NCOA5: variants seen among roughly 807,000 people sequenced by gnomAD.
The protein encoded by NCOA5 is nuclear receptor coactivator 5.
Under a neutral mutation model 59.0 loss-of-function variants are expected in NCOA5, and 12 were observed. That is an observed-to-expected ratio of 0.20 (90% confidence interval 0.13 to 0.33). The LOEUF (loss-of-function observed/expected upper bound fraction) is 0.33, where lower values mean the gene tolerates loss of function less well. Among genes scored for constraint, NCOA5 ranks in the 10% least tolerant of loss-of-function variants. The pLI, the probability that NCOA5 is intolerant of heterozygous loss-of-function variation, is 1.00. For missense variants in NCOA5, 655 were observed against 766.6 expected (o/e 0.85, Z 1.72); for synonymous variants, 270 against 275.5 (o/e 0.98, Z 0.20).
intron 1 of NCOA5, among the ~76,000 whole-genome samples, chr20:46,084,960 C>A (rs957620227): frequency 2.0e-5 from 3 of 152,140 alleles, no homozygotes; most frequent in Non-Finnish European, 4.4e-5. Flanking sequence ...ATGTCAAATG[C>A]CTACTATGTG....
chr20:46,072,884 CTA>C lies in NCOA5; in HGVS notation c.39-2350_39-2349del, dbSNP rs1298158717. Among the ~76,000 whole-genome samples, 3 of 152,216 alleles carry C rather than the reference CTA, an allele frequency of 2.0e-5. No homozygotes were observed. The East Asian group carries it at 5.8e-4, about 29-fold the overall frequency. Reference sequence around the variant, plus strand: ...ACTACAAGTGCCACAAGGACAAGAACTATGTCACTTTGATTCTGCACTACAAA... The same window carrying C: ...ACTACAAGTGCCACAAGGACAAGAACTGTCACTTTGATTCTGCACTACAAA... On this transcript the variant is annotated intron_variant, in intron 2 of 7. Coordinates refer to ENST00000290231, the MANE Select transcript of NCOA5 (RefSeq NM_020967.3).
chr20:46,076,188 G>GT (rs762655626), intron 2 of NCOA5, among the ~76,000 whole-genome samples: 8 of 151,554 alleles, frequency 5.3e-5, no homozygotes, highest in East Asian at 3.9e-4. Context: ...CATAGGTAGT[G>GT]TTTTTTTTCC....
rs756725872 is a variant in NCOA5 at position 46,070,318 on chromosome 20, T to G, written c.257A>C (p.Asp86Ala). 1.2e-6 allele frequency: 2 copies of G among 1,613,686 alleles called. No homozygotes were observed. Among genetic ancestry groups the G allele is most frequent in the African/African-American group, 2.7e-5 (2 of 74,772 alleles). The change falls in exon 3 of 8, where the codon GAT becomes GCT. Residue 86 changes from aspartate (D) to alanine (A), a missense_variant. Physicochemically the swap from Asp to Ala is moderately radical, Grantham distance 126 (BLOSUM62 -2). This residue lies in a region of NCOA5 where 250 missense variants were observed against 260.1 expected (regional missense o/e 0.96). Coordinates refer to ENST00000290231, the MANE Select transcript of NCOA5 (RefSeq NM_020967.3). ...RSVRDVRDVRDLRDFRDLRDS... is the reference protein window; with the variant it reads ...RSVRDVRDVRALRDFRDLRDS... ...TCTTAGATCACGAAAGTCTCTAAGA[T>G]CCCTCACGTCCCGAACGTCGCGCAC...
intron 1 of NCOA5, among the ~76,000 whole-genome samples, chr20:46,088,693 A>G (rs2085068146): frequency 6.6e-6 from 1 of 152,248 alleles, no homozygotes. Flanking sequence ...GTCAACAAAG[A>G]GAACAGTTTA....
At chr20:46,070,135 GA>G in intron 3 of NCOA5, 74 bp downstream of exon 3, 1 of 1,189,828 alleles carries the variant, frequency 8.4e-7, no homozygotes, top group East Asian at 2.4e-5. Flanking sequence ...TGCTCTTACA[GA>G]GCTTTCAATT....
At chr20:46,085,118 A>ACT (rs1402906485) in intron 1 of NCOA5, among the ~76,000 whole-genome samples, 4 of 151,964 alleles carry the variant, frequency 2.6e-5, no homozygotes, top group South Asian at 2.1e-4. Flanking sequence ...GCAGTCTCAA[A>ACT]CTCCTGAACT....
In NCOA5 at chr20:46,067,196, C is replaced by T. The variant is rs2084833627; in HGVS notation, c.503-15G>A. On this transcript the variant is annotated splice_polypyrimidine_tract_variant and intron_variant, in intron 4 of 7. Transcript: ENST00000290231. ...TTTCAAACGCTCTGCAAAACACCAC[C>T]AGGGTAAACTGAAATAAGGACTGGA... is the stretch of plus-strand genomic sequence containing the variant. The T allele has an allele frequency of 2.5e-6, 4 of 1,610,042 alleles. No individual in the cohort carries two copies. Among genetic ancestry groups the T allele is most frequent in the East Asian group, 2.2e-5 (1 of 44,836 alleles).
chr20:46,063,174 A>G (rs2084786012), intron 7 of NCOA5, among the ~76,000 whole-genome samples, 186 bp downstream of exon 7: 1 of 152,236 alleles, frequency 6.6e-6, no homozygotes, highest in Admixed American at 6.5e-5. Context: ...ATCAGCATTC[A>G]GTACCCAAAT....
At chr20:46,064,247 A>G (rs2084797973) in intron 6 of NCOA5, among the ~76,000 whole-genome samples, 1 of 152,228 alleles carries the variant, frequency 6.6e-6, no homozygotes, top group Admixed American at 6.5e-5. Context: ...CATCTTGAGG[A>G]CTATTCCTCA....
At chr20:46,084,910 T>C (rs532697217) in intron 1 of NCOA5, among the ~76,000 whole-genome samples, 4 of 152,364 alleles carry the variant, frequency 2.6e-5, no homozygotes, top group Admixed American at 1.3e-4. Flanking sequence ...TTGAAAAGGA[T>C]AGCTTATAAT....
intron 1 of NCOA5, among the ~76,000 whole-genome samples, chr20:46,083,513 T>C (rs2085013998): frequency 6.6e-6 from 1 of 152,162 alleles, no homozygotes; most frequent in Non-Finnish European, 1.5e-5. Flanking sequence ...TAAAAGACAA[T>C]TAAGATCTCT....
chr20:46,062,959 G>A, intron 7 of NCOA5, 70 bp from the exon 8 acceptor site: 1 of 1,299,892 alleles, frequency 7.7e-7, no homozygotes, highest in Non-Finnish European at 1.0e-6. Flanking sequence ...GCAGCCAAAG[G>A]AAGAACAACA....
At chr20:46,076,173 T>C (rs1303077890) in intron 2 of NCOA5, among the ~76,000 whole-genome samples, 2 of 152,170 alleles carry the variant, frequency 1.3e-5, no homozygotes, top group Non-Finnish European at 2.9e-5. Context: ...TTAGGAAATA[T>C]TTGCCATAGG....
intron 2 of NCOA5, among the ~76,000 whole-genome samples, chr20:46,077,465 T>C (rs1468363199): frequency 1.3e-5 from 2 of 152,204 alleles, no homozygotes; most frequent in East Asian, 1.9e-4. Flanking sequence ...CAGGATGATA[T>C]AAAATACCCT....
intron 1 of NCOA5, among the ~76,000 whole-genome samples, chr20:46,084,555 A>G (rs894976164): frequency 3.9e-5 from 6 of 152,244 alleles, no homozygotes; most frequent in Non-Finnish European, 7.3e-5. Context: ...CTCTTCCGAC[A>G]AAAATTATCA....
rs2084769042 is a variant in NCOA5 at position 46,061,959 on chromosome 20, C to T, written c.*341G>A. 3.6e-5 allele frequency: 7 copies of T among 195,856 alleles called. No individual in the cohort carries two copies. In the South Asian group the frequency reaches 8.4e-4, roughly 23 times the overall value. The allele number at this position is 195,856 out of a possible 1,614,324, so 12.1% of individuals were successfully genotyped here. A position where few individuals can be genotyped will look rare whatever the true frequency, so the allele number is the denominator to read the frequency against. ...GTGGTGGCTACTGACATGACAAATG[C>T]CATTCCAAACTTGGCTAGCTGGGCC... On this transcript the variant is annotated 3_prime_UTR_variant, in exon 8 of 8. Transcript: ENST00000290231.
chr20:46,065,440 A>G (rs1407298786), intron 5 of NCOA5, among the ~76,000 whole-genome samples: 3 of 152,174 alleles, frequency 2.0e-5, no homozygotes, highest in African/African-American at 4.8e-5. Flanking sequence ...TGCCAGTAGC[A>G]CAGTATGATA....
At chr20:46,068,374 C>A in intron 4 of NCOA5, 128 bp downstream of exon 4, 4 of 951,070 alleles carry the variant, frequency 4.2e-6, no homozygotes, top group South Asian at 2.8e-5. Context: ...ACTTATATTT[C>A]TTCTTTTTAT....
At chr20:46,081,395 A>T (rs187282430) in intron 1 of NCOA5, among the ~76,000 whole-genome samples, 1 of 152,188 alleles carries the variant, frequency 6.6e-6, no homozygotes, top group African/African-American at 2.4e-5. Flanking sequence ...GAACTGGAGA[A>T]ATCACATGGT....
Sources: gnomAD v4.1 joint callset for allele counts (sites outside exome capture counted in the v4.1 genomes callset) on GRCh38, gnomAD v4.1.1 for gene constraint, gnomAD v4.1.1 regional missense constraint, MANE v1.5 for transcripts, NCBI Gene and HGNC (gene_info 2026-07-23, HGNC 2026-07-21) for gene names.